CACNA1E: variants seen among roughly 807,000 people sequenced by gnomAD.
CACNA1E encodes the protein calcium voltage-gated channel subunit alpha1 E.
In CACNA1E, 40 loss-of-function variants were observed where a neutral mutation model predicts 259.2. That is an observed-to-expected ratio of 0.15 (90% CI 0.12 to 0.20). The LOEUF (loss-of-function observed/expected upper bound fraction) is 0.20. Among genes scored for constraint, CACNA1E ranks in the 10% least tolerant of loss-of-function variants. CACNA1E has a pLI of 1.00. For synonymous variants in CACNA1E, 1,104 were observed against 1,138.5 expected, an observed-to-expected ratio of 0.97 and a Z score of 0.61; for missense variants, 1,874 against 3,040.1, an observed-to-expected ratio of 0.62 and a Z score of 9.02.
rs1650620975 is a variant in CACNA1E at position 181,573,430 on chromosome 1, CTG to C, written c.513-4330_513-4329del. On this transcript the variant is annotated intron_variant, in intron 3 of 47. Transcript: ENST00000367573. ...TTACAAGGCCCATAGTTTTGCTGAG[CTG>C]TGTGTACTTCAATACTTAAGCTTTG... 2.0e-5 allele frequency among the ~76,000 whole-genome samples: 3 copies of C among 152,186 alleles called. No homozygotes were observed. The South Asian group carries it at 6.2e-4, about 32-fold the overall frequency.
upstream of CACNA1E, among the ~76,000 whole-genome samples, chr1:181,478,790 GGGTAATA>G (rs1418091078): frequency 2.0e-5 from 3 of 152,208 alleles, no homozygotes; most frequent in Non-Finnish European, 4.4e-5. Flanking sequence ...TTAAGAATGA[GGGTAATA>G]GGCCAACTGC....
intron 3 of CACNA1E, among the ~76,000 whole-genome samples, chr1:181,518,500 G>A (rs1666756572): frequency 6.6e-6 from 1 of 152,146 alleles, no homozygotes; most frequent in African/African-American, 2.4e-5. Context: ...TAGAATATAG[G>A]ATTTCGATTC....
chr1:181,373,537 C>CTTTTTTTTTT (rs5779097), intron 1 of CACNA1E, among the ~76,000 whole-genome samples: 3 of 120,924 alleles, frequency 2.5e-5, no homozygotes, highest in Non-Finnish European at 5.1e-5. Flanking sequence ...TCTTTTCTTT[C>CTTTTTTTTTT]TTTTTTTTTT....
intron 34 of CACNA1E, among the ~76,000 whole-genome samples, chr1:181,765,617 C>G (rs1658949552): frequency 1.3e-5 from 2 of 152,220 alleles, no homozygotes; most frequent in African/African-American, 2.4e-5. Context: ...CTCATGCAGT[C>G]TGAAAGCCTC....
At chr1:181,345,447 G>A (rs1279251460) in intron 1 of CACNA1E, among the ~76,000 whole-genome samples, 1 of 152,178 alleles carries the variant, frequency 6.6e-6, no homozygotes, top group African/African-American at 2.4e-5. Flanking sequence ...GAGTTGGGGG[G>A]CCAGGGGGCT....
At chr1:181,522,479 G>T (rs1667061759) in intron 3 of CACNA1E, among the ~76,000 whole-genome samples, 2 of 152,052 alleles carry the variant, frequency 1.3e-5, no homozygotes, top group Admixed American at 1.3e-4. Context: ...TTATTTTTCT[G>T]ATAGAACAAT....
intron 1 of CACNA1E, among the ~76,000 whole-genome samples, chr1:181,347,599 G>T (rs1310812681): frequency 6.6e-6 from 1 of 152,204 alleles, no homozygotes; most frequent in African/African-American, 2.4e-5. Flanking sequence ...GCCTGCCTCT[G>T]CACCCACTCC....
chr1:181,656,677 A>G (rs934502740), intron 7 of CACNA1E, among the ~76,000 whole-genome samples: 6 of 152,186 alleles, frequency 3.9e-5, no homozygotes, highest in African/African-American at 1.4e-4. Context: ...AGGCCTTCAC[A>G]TTCACTCACC....
chr1:181,496,673 G>A (rs967630268), intron 1 of CACNA1E, among the ~76,000 whole-genome samples: 7 of 152,296 alleles, frequency 4.6e-5, no homozygotes, highest in Non-Finnish European at 8.8e-5. Context: ...TCCTCTGCTA[G>A]GGATATTAGG....
intron 1 of CACNA1E, among the ~76,000 whole-genome samples, chr1:181,408,644 TG>T (rs943699199): frequency 2.0e-5 from 3 of 152,084 alleles, no homozygotes; most frequent in African/African-American, 7.2e-5. Context: ...AGGGTTTTTC[TG>T]GGGCTGCTGG....
At chr1:181,645,324 C>G (rs1004709306) in intron 6 of CACNA1E, among the ~76,000 whole-genome samples, 1 of 152,172 alleles carries the variant, frequency 6.6e-6, no homozygotes, top group Non-Finnish European at 1.5e-5. Flanking sequence ...TGACAAAATC[C>G]GGGGTACCTT....
intron 1 of CACNA1E, among the ~76,000 whole-genome samples, chr1:181,396,742 C>G (rs188997944): frequency 1.3e-5 from 2 of 152,236 alleles, no homozygotes; most frequent in East Asian, 1.9e-4. Flanking sequence ...ATTCCCTCAA[C>G]CCAGAATAAA....
At chr1:181,538,431 T>G (rs1668334665) in intron 3 of CACNA1E, among the ~76,000 whole-genome samples, 1 of 152,222 alleles carries the variant, frequency 6.6e-6, no homozygotes, top group South Asian at 2.1e-4. Context: ...ATCCAGCACA[T>G]TGTCTGGCAC....
intron 2 of CACNA1E, among the ~76,000 whole-genome samples, chr1:181,470,934 T>C (rs539634102): frequency 6.6e-6 from 1 of 152,312 alleles, no homozygotes; most frequent in East Asian, 1.9e-4. Context: ...TATAACAAAA[T>C]ACTCTAGAAC....
intron 45 of CACNA1E, among the ~76,000 whole-genome samples, chr1:181,794,573 G>T (rs148451788): frequency 1.3e-5 from 2 of 152,324 alleles, no homozygotes; most frequent in East Asian, 3.9e-4. Flanking sequence ...GGGCTCTATG[G>T]GAGCTTGCAC....
At chr1:181,697,746 A>G (rs1651857418) in intron 7 of CACNA1E, among the ~76,000 whole-genome samples, 1 of 152,258 alleles carries the variant, frequency 6.6e-6, no homozygotes, top group African/African-American at 2.4e-5. Context: ...AAATTATTGT[A>G]GAAGTTACTA....
Position 181,799,366 on chromosome 1 carries a change from A to G in CACNA1E, c.*532A>G, listed in dbSNP as rs373255115. On this transcript the variant is annotated 3_prime_UTR_variant, in exon 48 of 48. Coordinates refer to ENST00000367573, the MANE Select transcript of CACNA1E (RefSeq NM_001205293.3). ...CCCTGTGGCTTGCTTCCCCCAGGGC[A>G]GCACAGGCTAAGTCAGGAACATCGG... 1 of 153,190 alleles carries G rather than the reference A, an allele frequency of 6.5e-6. No individual in the cohort carries two copies. Among genetic ancestry groups the G allele is most frequent in the African/African-American group, 2.4e-5 (1 of 41,582 alleles). The allele number at this position is 153,190 out of a possible 1,614,324, so 9.5% of individuals were successfully genotyped here.
At chr1:181,644,942 AG>A (rs1658128501) in intron 6 of CACNA1E, among the ~76,000 whole-genome samples, 1 of 152,194 alleles carries the variant, frequency 6.6e-6, no homozygotes, top group African/African-American at 2.4e-5. Context: ...CTGTCAGGCA[AG>A]GGCAAGCATC....
At position 181,732,397 on chromosome 1, in the gene CACNA1E, C is replaced by T; in HGVS notation, c.2311C>T (p.Arg771Cys). The change falls in exon 20 of 48, where the codon CGC becomes TGC. Residue 771 changes from arginine to cysteine, a missense_variant. Arg to Cys is a radical substitution (Grantham distance 180, BLOSUM62 -3). Coordinates refer to ENST00000367573, the MANE Select transcript of CACNA1E (RefSeq NM_001205293.3). The surrounding 1 kb of genome is among the most constrained non-coding windows in gnomAD (Gnocchi z 5.5). ...TCCCCTTGGCAGGAGGGAGCGGAGG[C>T]GCCGGCACCACATGTCCGTGTGGGA... ...PRSSHLRERR[R>C]RHHMSVWEQR... 2.0e-6 allele frequency: 3 copies of T among 1,527,300 alleles called. No individual in the cohort carries two copies. Among genetic ancestry groups the T allele is most frequent in the East Asian group, 2.5e-5 (1 of 40,798 alleles). 94.6% of individuals were successfully genotyped at this position (1,527,300 alleles called of 1,614,324 possible). A position where few individuals can be genotyped will look rare whatever the true frequency, so the allele number is the denominator to read the frequency against.
Sources: allele counts gnomAD v4.1 joint callset (sites outside exome capture counted in the v4.1 genomes callset), GRCh38; gene constraint gnomAD v4.1.1; non-coding constraint Gnocchi (gnomAD v3.1); transcripts MANE v1.5; gene names NCBI Gene and HGNC (gene_info 2026-07-23, HGNC 2026-07-21).